The following FAM222B variants were observed in gnomAD, a reference collection of about 807,000 sequenced individuals.
FAM222B encodes the protein family with sequence similarity 222 member B.
In FAM222B, 12 loss-of-function variants were observed where a neutral mutation model predicts 38.0. The observed-to-expected ratio is 0.32, with a 90% confidence interval of 0.20 to 0.51. The LOEUF is 0.51. FAM222B is among the 20% of genes least tolerant of loss of function. The probability of loss-of-function intolerance (pLI) is 0.97; values close to 1 mark genes in which losing one functional copy is unlikely to be tolerated. For missense variants in FAM222B, 716 were observed against 754.2 expected (o/e 0.95, Z 0.59); for synonymous variants, 329 against 317.2 (o/e 1.04, Z -0.40).
At chr17:28,764,271 C>CAAAA (rs35314377) in intron 2 of FAM222B, among the ~76,000 whole-genome samples, 3 of 43,828 alleles carry the variant, frequency 6.8e-5, no homozygotes, top group Non-Finnish European at 9.4e-5. Flanking sequence ...GACTCCATCT[C>CAAAA]AAAAAAAAAA....
intron 1 of FAM222B, among the ~76,000 whole-genome samples, chr17:28,785,598 C>T (rs553833248): frequency 3.3e-5 from 5 of 152,084 alleles, no homozygotes; most frequent in Non-Finnish European, 4.4e-5. Flanking sequence ...TGCAATGGCA[C>T]GATTTCAGCT....
intron 1 of FAM222B, among the ~76,000 whole-genome samples, chr17:28,851,983 T>C (rs906855121): frequency 4.0e-5 from 6 of 149,848 alleles, no homozygotes; most frequent in African/African-American, 1.5e-4. Flanking sequence ...GCCCAGGAGG[T>C]GGAGGTTGCA....
At chr17:28,825,848 T>A (rs2038421500) in intron 1 of FAM222B, among the ~76,000 whole-genome samples, 1 of 152,164 alleles carries the variant, frequency 6.6e-6, no homozygotes, top group Non-Finnish European at 1.5e-5. Flanking sequence ...CGATCTTGGC[T>A]CATTGCAACC....
intron 1 of FAM222B, among the ~76,000 whole-genome samples, chr17:28,831,868 G>GT (rs2038679068): frequency 6.6e-6 from 1 of 152,032 alleles, no homozygotes; most frequent in Non-Finnish European, 1.5e-5. Context: ...TTAAGTAGGG[G>GT]TTAGCTTCCT....
intron 1 of FAM222B, among the ~76,000 whole-genome samples, chr17:28,810,622 C>T (rs1413973903): frequency 6.6e-6 from 1 of 152,120 alleles, no homozygotes; most frequent in African/African-American, 2.4e-5. Context: ...CTGGGGGATC[C>T]CCTTTCCCTC....
intron 1 of FAM222B, among the ~76,000 whole-genome samples, chr17:28,851,459 G>A (rs1431182606): frequency 5.3e-5 from 8 of 151,250 alleles, no homozygotes; most frequent in East Asian, 2.0e-4. Context: ...GCTTGAACCC[G>A]GGAGGCAGAG....
intron 1 of FAM222B, among the ~76,000 whole-genome samples, chr17:28,801,629 C>G (rs1007260803): frequency 2.6e-4 from 39 of 151,846 alleles, no homozygotes; most frequent in African/African-American, 4.6e-4. Flanking sequence ...TATTGTTGTT[C>G]TTCTTCTTCT....
intron 1 of FAM222B, among the ~76,000 whole-genome samples, chr17:28,810,455 CTAACTTTGTTTTATATACTAG>C (rs2037704775): frequency 3.7e-5 from 1 of 27,294 alleles, no homozygotes; most frequent in African/African-American, 3.0e-4. Flanking sequence ...TATATACTAG[CTAACTTTGTTTTATATACTAG>C]CTAACTTTGT....
At chr17:28,832,327 CAGA>C (rs1283563149) in intron 1 of FAM222B, among the ~76,000 whole-genome samples, 2 of 151,986 alleles carry the variant, frequency 1.3e-5, no homozygotes, top group Non-Finnish European at 2.9e-5. Context: ...TGCAGTTGTC[CAGA>C]AGAAAAGAAA....
Position 28,758,229 on chromosome 17 carries a change from G to C in FAM222B, c.*41C>G. 6.9e-7 allele frequency: 1 copy of C among 1,456,032 alleles called. No individual in the cohort carries two copies. The highest frequency in any genetic ancestry group is 9.3e-7 in the Non-Finnish European group (1 of 1,075,132). The allele number at this position is 1,456,032 out of a possible 1,614,324, so 90.2% of individuals were successfully genotyped here. A position where few individuals can be genotyped will look rare whatever the true frequency, so the allele number is the denominator to read the frequency against. Reference sequence around the variant, plus strand: ...TACTTAAAAGACTAAACCTAGGAGGGTGATGTATGATGTGTTGCACGTGGA... The same window carrying C: ...TACTTAAAAGACTAAACCTAGGAGGCTGATGTATGATGTGTTGCACGTGGA... On this transcript the variant is annotated 3_prime_UTR_variant, in exon 3 of 3. Transcript: ENST00000581407.
intron 1 of FAM222B, among the ~76,000 whole-genome samples, chr17:28,814,161 G>C (rs1378481048): frequency 6.7e-6 from 1 of 149,988 alleles, no homozygotes; most frequent in East Asian, 2.0e-4. Context: ...GCCTGAGTGA[G>C]AGTAAGACTC....
At chr17:28,762,006 CT>C (rs1406473589) in intron 2 of FAM222B, 1 of 152,124 alleles carries the variant, frequency 6.6e-6, no homozygotes, top group African/African-American at 2.4e-5. Flanking sequence ...AGAAGAGTCC[CT>C]TTGTTCCAAG....
chr17:28,819,234 A>G (rs2038132009), intron 1 of FAM222B, among the ~76,000 whole-genome samples: 1 of 152,202 alleles, frequency 6.6e-6, no homozygotes, highest in South Asian at 2.1e-4. Flanking sequence ...CTCCCTTCTC[A>G]CTTCTTATTC....
chr17:28,759,032 C>T lies in FAM222B; in HGVS notation c.927G>A (p.Arg309=). 6.2e-7 allele frequency: 1 copy of T among 1,612,828 alleles called. No individual in the cohort carries two copies. The highest frequency in any genetic ancestry group is 1.3e-5 in the African/African-American group (1 of 75,038). Residue 309 remains arginine (R), a synonymous_variant, in exon 3 of 3, where the codon CGG becomes CGA. Coordinates refer to ENST00000581407, the MANE Select transcript of FAM222B (RefSeq NM_001077498.3). This position sits in a 1 kb window ranked among gnomAD's most constrained non-coding sequence, Gnocchi z 4.8. The part of the protein sequence containing the change: ...SRSLLINAST[R]VSTHSVPTPM... ...GTGTGGGGACGCTGTGGGTCGACACCCGGGTGCTTGCATTGATGAGCAGAC... is the reference window on the plus strand; with the variant it reads ...GTGTGGGGACGCTGTGGGTCGACACTCGGGTGCTTGCATTGATGAGCAGAC...
intron 1 of FAM222B, among the ~76,000 whole-genome samples, chr17:28,809,068 GAT>G (rs1000527997): frequency 1.3e-5 from 2 of 152,042 alleles, no homozygotes; most frequent in Non-Finnish European, 2.9e-5. Context: ...AAATAAGCAG[GAT>G]GGGCCGGGCA....
At chr17:28,849,354 G>C (rs1445375750) in intron 1 of FAM222B, 2 of 152,108 alleles carry the variant, frequency 1.3e-5, no homozygotes, top group South Asian at 2.1e-4. Flanking sequence ...ATGGAGCCTT[G>C]AGTAGAGTTG....
intron 1 of FAM222B, among the ~76,000 whole-genome samples, chr17:28,785,762 G>A (rs946621398): frequency 2.0e-5 from 3 of 149,230 alleles, no homozygotes; most frequent in Admixed American, 6.7e-5. Flanking sequence ...GTGCAATGAC[G>A]CAATCTCGCA....
intron 1 of FAM222B, among the ~76,000 whole-genome samples, chr17:28,840,865 G>A (rs1394180687): frequency 6.6e-6 from 1 of 151,904 alleles, no homozygotes; most frequent in Admixed American, 6.6e-5. Flanking sequence ...GGAGGCTGAG[G>A]CAGGAGAATT....
At chr17:28,774,518 T>G (rs547150727) in intron 1 of FAM222B, among the ~76,000 whole-genome samples, 1 of 152,292 alleles carries the variant, frequency 6.6e-6, no homozygotes, top group East Asian at 1.9e-4. Flanking sequence ...CCTGCACAAG[T>G]GCTAGCATTT....
Sources: gnomAD v4.1 joint callset for allele counts (sites outside exome capture counted in the v4.1 genomes callset) on GRCh38, gnomAD v4.1.1 for gene constraint, Gnocchi (gnomAD v3.1) non-coding constraint, MANE v1.5 for transcripts, NCBI Gene and HGNC (gene_info 2026-07-23, HGNC 2026-07-21) for gene names.